Variants in RAD51B observed in about 807,000 individuals in gnomAD.
RAD51B encodes RAD51 paralog B.
Under a neutral mutation model 42.2 loss-of-function variants are expected in RAD51B, and 38 were observed. The observed-to-expected ratio is 0.90, with a 90% CI of 0.70 to 1.18. RAD51B has a LOEUF of 1.18. Among genes scored for constraint, RAD51B ranks in the 50% most tolerant of loss-of-function variants. The pLI is 0.00. For synonymous variants in RAD51B, 154 were observed against 145.2 expected, an observed-to-expected ratio of 1.06 and a Z score of -0.43; for missense variants, 373 against 400.7, an observed-to-expected ratio of 0.93 and a Z score of 0.59.
At chr14:68,018,523 A>G (rs747328198) in intron 7 of RAD51B, among the ~76,000 whole-genome samples, 1 of 152,174 alleles carries the variant, frequency 6.6e-6, no homozygotes, top group African/African-American at 2.4e-5. Flanking sequence ...CAAGGATTAG[A>G]TTTTTTAAAT....
chr14:68,450,819 T>C (rs2085541596), intron 9 of RAD51B, among the ~76,000 whole-genome samples: 2 of 152,170 alleles, frequency 1.3e-5, no homozygotes, highest in Admixed American at 1.3e-4. Flanking sequence ...TGGCAAATAG[T>C]CTCACAGTGT....
In RAD51B at chr14:68,577,838, A is replaced by G. The variant is rs73284028; in HGVS notation, c.1037-16647A>G. The stretch of plus-strand genomic sequence containing the variant: ...TAGAATCCTACCTGCCGTGGTGTAC[A>G]TGCTCAATAAGTACTTATTAAGTGA... On this transcript the variant is annotated intron_variant, in intron 10 of 10. Transcript: ENST00000487270. Among the ~76,000 whole-genome samples the G allele has an allele frequency of 9.8e-3, 1,489 of 152,334 alleles. 26 individuals carry two copies. Among genetic ancestry groups the G allele is most frequent in the African/African-American group, 0.034 (1,420 of 41,582 alleles).
At chr14:68,550,411 A>G (rs1002775744) in intron 10 of RAD51B, among the ~76,000 whole-genome samples, 1 of 152,228 alleles carries the variant, frequency 6.6e-6, no homozygotes, top group Non-Finnish European at 1.5e-5. Context: ...AAATCCGGTT[A>G]TGGTCTGAAG....
At chr14:68,444,645 C>T (rs1017133683) in intron 9 of RAD51B, among the ~76,000 whole-genome samples, 2 of 152,144 alleles carry the variant, frequency 1.3e-5, no homozygotes, top group Admixed American at 6.5e-5. Flanking sequence ...CAAGTCAGCT[C>T]CATGGGAAAG....
chr14:68,662,417 T>G (rs1036891581), intron 11 of RAD51B, among the ~76,000 whole-genome samples: 1 of 152,372 alleles, frequency 6.6e-6, no homozygotes, highest in East Asian at 1.9e-4. Context: ...ATCCAAGATG[T>G]CAGCTGCCTC....
In RAD51B at chr14:67,853,905, T is replaced by G. The variant is rs556581757; in HGVS notation, c.316-11098T>G. ...GGAAGTAGAGAAGTGCTATTCATTC[T>G]TAAAGCAGAAGCAGCAGAGGAGAAA... On this transcript the variant is annotated intron_variant, in intron 4 of 10. Transcript: ENST00000471583. Among the ~76,000 whole-genome samples the G allele has an allele frequency of 1.5e-4, 23 of 152,316 alleles. No individual in the cohort carries two copies. In the South Asian group the frequency reaches 3.1e-3, roughly 21 times the overall value.
rs576651167 is a variant in RAD51B, at chr14:68,234,533, G to A, written c.757-57351G>A. 2.6e-5 allele frequency among the ~76,000 whole-genome samples: 4 copies of A among 152,310 alleles called. No individual in the cohort carries two copies. In the East Asian group the frequency reaches 7.7e-4, roughly 29 times the overall value. On this transcript the variant is annotated intron_variant, in intron 7 of 10. Transcript: ENST00000471583. The stretch of plus-strand genomic sequence containing the variant: ...ACACCTTGGCTGGATGGTACAGCCT[G>A]TTATTCCTGGGCAGCAAACCTGTAG...
chr14:68,450,477 C>T (rs1341481865), intron 9 of RAD51B, among the ~76,000 whole-genome samples: 1 of 152,078 alleles, frequency 6.6e-6, no homozygotes, highest in Non-Finnish European at 1.5e-5. Flanking sequence ...CCTTGGCCGC[C>T]CGAAGTGCTG....
chr14:68,289,861 A>G (rs2081482256), intron 7 of RAD51B, among the ~76,000 whole-genome samples: 1 of 152,242 alleles, frequency 6.6e-6, no homozygotes, highest in Non-Finnish European at 1.5e-5. Flanking sequence ...GAAAGTAGCA[A>G]TACGAAAGAA....
At chr14:68,522,828 C>G (rs925394005) in intron 10 of RAD51B, among the ~76,000 whole-genome samples, 20 of 152,156 alleles carry the variant, frequency 1.3e-4, no homozygotes. Flanking sequence ...AGCTGCCAAC[C>G]AACTTTGCCT....
chr14:68,385,034 A>G (rs1377639833), intron 8 of RAD51B, among the ~76,000 whole-genome samples: 3 of 152,178 alleles, frequency 2.0e-5, no homozygotes, highest in Non-Finnish European at 4.4e-5. Flanking sequence ...GCAAACAGAG[A>G]TGGGCGAGTT....
intron 10 of RAD51B, among the ~76,000 whole-genome samples, chr14:68,585,055 G>A (rs948269447): frequency 2.6e-5 from 4 of 152,162 alleles, no homozygotes; most frequent in Admixed American, 6.5e-5. Flanking sequence ...CATAGGATGC[G>A]GCGGTCAGGA....
intron 11 of RAD51B, among the ~76,000 whole-genome samples, chr14:68,680,669 C>G (rs1381656136): frequency 6.6e-6 from 1 of 152,052 alleles, no homozygotes; most frequent in Non-Finnish European, 1.5e-5. Context: ...TAGTCCTGAT[C>G]CACGCAAATC....
At chr14:67,858,044 G>C (rs781208213) in intron 4 of RAD51B, 1 of 152,452 alleles carries the variant, frequency 6.6e-6, no homozygotes, top group African/African-American at 2.4e-5. Flanking sequence ...TGAAGGGCCC[G>C]TGGAGGCACC....
chr14:67,976,538 G>A (rs2074998698), intron 7 of RAD51B, among the ~76,000 whole-genome samples: 1 of 151,998 alleles, frequency 6.6e-6, no homozygotes, highest in Admixed American at 6.6e-5. Context: ...GTATACATGT[G>A]CCATGTTGGT....
At chr14:68,158,281 C>T (rs936906990) in intron 7 of RAD51B, among the ~76,000 whole-genome samples, 2 of 152,214 alleles carry the variant, frequency 1.3e-5, no homozygotes, top group African/African-American at 4.8e-5. Flanking sequence ...TTGGAAGTTG[C>T]ATCATCCATG....
intron 10 of RAD51B, among the ~76,000 whole-genome samples, chr14:68,529,342 G>A (rs146760406): frequency 6.6e-4 from 101 of 152,304 alleles, no homozygotes; most frequent in African/African-American, 2.2e-3. Context: ...GACTACAGGC[G>A]CGTGCCACCA....
downstream of RAD51B, among the ~76,000 whole-genome samples, chr14:68,612,695 T>C (rs72729553): frequency 0.11 from 16,008 of 152,120 alleles, 1,139 homozygotes; most frequent in East Asian, 0.22. Context: ...AGATAGATAA[T>C]GGTGATGGCT....
intron 5 of RAD51B, among the ~76,000 whole-genome samples, chr14:67,883,657 A>G (rs960766397): frequency 2.6e-5 from 4 of 152,170 alleles, no homozygotes; most frequent in Non-Finnish European, 5.9e-5. Flanking sequence ...CACCTGTCAC[A>G]TTCTATTCTC....
Sources: gnomAD v4.1 joint callset for allele counts (sites outside exome capture counted in the v4.1 genomes callset) on GRCh38, gnomAD v4.1.1 for gene constraint, MANE v1.5 for transcripts, NCBI Gene and HGNC (gene_info 2026-07-23, HGNC 2026-07-21) for gene names.